Variants in NRG3 observed in about 807,000 individuals in gnomAD.
NRG3 encodes the protein pro-neuregulin-3, membrane-bound isoform.
In NRG3, 31 loss-of-function variants were observed where a neutral mutation model predicts 66.9. The ratio of observed to expected loss-of-function variants is 0.46; its 90% CI spans 0.35 to 0.63. NRG3 has a LOEUF of 0.63. NRG3 is among the 20% of genes least tolerant of loss of function. The pLI is 0.00. For missense variants in NRG3, 910 were observed against 878.9 expected (o/e 1.04, Z -0.45); for synonymous variants, 393 against 359.4 (o/e 1.09, Z -1.06).
intron 1 of NRG3, among the ~76,000 whole-genome samples, chr10:82,151,622 A>G (rs2070750713): frequency 6.6e-6 from 1 of 152,116 alleles, no homozygotes; most frequent in South Asian, 2.1e-4. Context: ...TAGCATTTAA[A>G]TTATTTGTGG....
chr10:82,801,968 C>T (rs780814259), intron 3 of NRG3, among the ~76,000 whole-genome samples: 3 of 152,178 alleles, frequency 2.0e-5, no homozygotes, highest in Non-Finnish European at 2.9e-5. Flanking sequence ...GACCAGTTTT[C>T]ATTTTAGGAA....
At chr10:81,922,170 AT>A (rs1161249292) in intron 1 of NRG3, among the ~76,000 whole-genome samples, 1 of 152,132 alleles carries the variant, frequency 6.6e-6, no homozygotes, top group Non-Finnish European at 1.5e-5. Context: ...TTGTTAAAAA[AT>A]TTTTTGACTT....
At chr10:82,743,591 A>G (rs973149063) in intron 3 of NRG3, among the ~76,000 whole-genome samples, 2 of 152,148 alleles carry the variant, frequency 1.3e-5, no homozygotes, top group African/African-American at 4.8e-5. Flanking sequence ...GCCTGCAGAG[A>G]CAACCAAATC....
chr10:82,475,307 A>G (rs1291449165), intron 2 of NRG3, among the ~76,000 whole-genome samples: 1 of 152,150 alleles, frequency 6.6e-6, no homozygotes, highest in African/African-American at 2.4e-5. Flanking sequence ...ACAAATAATT[A>G]TAAGACAGTA....
At chr10:82,239,972 TAG>T (rs942597075) in intron 1 of NRG3, among the ~76,000 whole-genome samples, 2 of 152,188 alleles carry the variant, frequency 1.3e-5, no homozygotes, top group African/African-American at 4.8e-5. Context: ...TTTCCCATAA[TAG>T]AGTGTACTGG....
intron 1 of NRG3, among the ~76,000 whole-genome samples, chr10:81,920,795 C>A (rs770124267): frequency 3.3e-5 from 5 of 152,092 alleles, no homozygotes; most frequent in Non-Finnish European, 7.4e-5. Context: ...GTTTTGTGAA[C>A]ATTTTTCCTT....
intron 2 of NRG3, among the ~76,000 whole-genome samples, chr10:82,460,350 T>G (rs997296255): frequency 1.3e-5 from 2 of 152,212 alleles, no homozygotes; most frequent in African/African-American, 4.8e-5. Flanking sequence ...ATAAAGAAAC[T>G]GATAGCTACT....
intron 2 of NRG3, among the ~76,000 whole-genome samples, chr10:82,689,661 A>G (rs2054775086): frequency 6.6e-6 from 1 of 152,184 alleles, no homozygotes; most frequent in African/African-American, 2.4e-5. Flanking sequence ...TTGGAGGGGG[A>G]GAATACTCAA....
chr10:82,324,949 A>G (rs1032768538), intron 1 of NRG3, among the ~76,000 whole-genome samples: 6 of 152,172 alleles, frequency 3.9e-5, no homozygotes, highest in South Asian at 2.1e-4. Context: ...CAAGTTTTCT[A>G]TATCTCCACT....
chr10:82,955,471 T>C (rs1564663060), intron 5 of NRG3, among the ~76,000 whole-genome samples: 1 of 151,916 alleles, frequency 6.6e-6, no homozygotes, highest in Non-Finnish European at 1.5e-5. Flanking sequence ...ATTTTTAACT[T>C]ATGTAGTTAA....
At chr10:82,479,418 G>T (rs1349250449) in intron 2 of NRG3, among the ~76,000 whole-genome samples, 2 of 151,678 alleles carry the variant, frequency 1.3e-5, no homozygotes, top group Non-Finnish European at 2.9e-5. Flanking sequence ...AAAAAAACTG[G>T]CCGGGCGCGG....
chr10:82,412,032 T>G (rs1264348072), intron 2 of NRG3, among the ~76,000 whole-genome samples: 1 of 152,100 alleles, frequency 6.6e-6, no homozygotes, highest in Non-Finnish European at 1.5e-5. Context: ...AGTATAATTC[T>G]CTGGAGTGGC....
At chr10:82,041,891 A>G (rs1344685913) in intron 1 of NRG3, among the ~76,000 whole-genome samples, 1 of 152,012 alleles carries the variant, frequency 6.6e-6, no homozygotes, top group East Asian at 1.9e-4. Context: ...AGAGTTGAAG[A>G]TCATTCAGTC....
chr10:82,964,496 A>G (rs944267535), intron 6 of NRG3, among the ~76,000 whole-genome samples: 1 of 152,216 alleles, frequency 6.6e-6, no homozygotes, highest in South Asian at 2.1e-4. Flanking sequence ...TTTGCTTTAA[A>G]GGAAATGTGT....
chr10:82,496,305 A>C (rs1177844702), intron 2 of NRG3, among the ~76,000 whole-genome samples: 1 of 152,224 alleles, frequency 6.6e-6, no homozygotes, highest in Admixed American at 6.5e-5. Context: ...AGACAAGGTC[A>C]GCATTCATAT....
intron 1 of NRG3, among the ~76,000 whole-genome samples, chr10:81,912,074 A>G (rs1452865178): frequency 6.6e-6 from 1 of 152,162 alleles, no homozygotes; most frequent in Admixed American, 6.6e-5. Flanking sequence ...TCTCAGGGTA[A>G]TGCTTTCCAG....
chr10:82,704,663 A>G (rs1480233224), intron 2 of NRG3, among the ~76,000 whole-genome samples: 1 of 152,202 alleles, frequency 6.6e-6, no homozygotes, highest in Non-Finnish European at 1.5e-5. Flanking sequence ...AATGTTTCAT[A>G]TCAAGTAAAA....
At chr10:82,583,288 T>C (rs1463049780) in intron 2 of NRG3, among the ~76,000 whole-genome samples, 1 of 143,000 alleles carries the variant, frequency 7.0e-6, no homozygotes, top group African/African-American at 2.5e-5. Flanking sequence ...GCTCTTGCTC[T>C]ATTAAAAAAA....
At chr10:82,582,003 A>G (rs953970333) in intron 2 of NRG3, among the ~76,000 whole-genome samples, 6 of 152,008 alleles carry the variant, frequency 3.9e-5, no homozygotes, top group African/African-American at 1.4e-4. Flanking sequence ...TATTTATAGT[A>G]TCGAATCAAT....
Sources: allele counts gnomAD v4.1 joint callset (sites outside exome capture counted in the v4.1 genomes callset), GRCh38; gene constraint gnomAD v4.1.1; transcripts MANE v1.5; gene names NCBI Gene and HGNC (gene_info 2026-07-23, HGNC 2026-07-21).